F13A1: variants seen among roughly 807,000 people sequenced by gnomAD.
F13A1 encodes the protein FSF, A subunit.
A neutral mutation model predicts 80.1 loss-of-function variants in F13A1; 47 were observed. The ratio of observed to expected loss-of-function variants is 0.59; its 90% CI spans 0.46 to 0.75. The LOEUF (loss-of-function observed/expected upper bound fraction) is 0.75, where lower values mean the gene tolerates loss of function less well. Among genes scored for constraint, F13A1 ranks in the 30% least tolerant of loss-of-function variants. The pLI is 0.00. For synonymous variants in F13A1, 349 were observed against 344.9 expected (o/e 1.01, Z -0.13); for missense variants, 817 against 930.4 (o/e 0.88, Z 1.59).
At chr6:6,163,171 G>C (rs923123341) in intron 13 of F13A1, among the ~76,000 whole-genome samples, 1 of 152,178 alleles carries the variant, frequency 6.6e-6, no homozygotes, top group Non-Finnish European at 1.5e-5. Context: ...CAGCAACCTT[G>C]AGGCTCAGTC....
chr6:6,252,536 G>C (rs1757647956), intron 4 of F13A1, among the ~76,000 whole-genome samples: 1 of 152,106 alleles, frequency 6.6e-6, no homozygotes. Context: ...AGGAAAAAAG[G>C]GATAGATAAA....
intron 3 of F13A1, among the ~76,000 whole-genome samples, chr6:6,300,676 G>A (rs969040134): frequency 6.6e-6 from 1 of 152,098 alleles, no homozygotes; most frequent in African/African-American, 2.4e-5. Flanking sequence ...CCATACCTCA[G>A]ATGGAAATGC....
chr6:6,211,189 C>T (rs1344425390), intron 8 of F13A1, among the ~76,000 whole-genome samples: 1 of 152,202 alleles, frequency 6.6e-6, no homozygotes, highest in Non-Finnish European at 1.5e-5. Flanking sequence ...TAAATTAATA[C>T]ATGTCAGCAC....
chr6:6,181,885 C>T, intron 11 of F13A1, 103 bp downstream of exon 11: 2 of 1,281,504 alleles, frequency 1.6e-6, no homozygotes, highest in Admixed American at 1.7e-5. Context: ...CTACCAAATG[C>T]TGCAAATGCC....
intron 12 of F13A1, among the ~76,000 whole-genome samples, chr6:6,173,306 T>C (rs1353267613): frequency 6.6e-6 from 1 of 152,028 alleles, no homozygotes; most frequent in African/African-American, 2.4e-5. Context: ...AGGATGTGCA[T>C]GCAAGGACGA....
At chr6:6,251,794 G>T (rs1037564816) in intron 4 of F13A1, among the ~76,000 whole-genome samples, 11 of 152,216 alleles carry the variant, frequency 7.2e-5, no homozygotes, top group Non-Finnish European at 1.5e-4. Context: ...AATCCCTAAT[G>T]AAGTAACGAA....
intron 4 of F13A1, among the ~76,000 whole-genome samples, chr6:6,252,329 C>T (rs1757644214): frequency 6.6e-6 from 1 of 151,964 alleles, no homozygotes; most frequent in Admixed American, 6.6e-5. Context: ...TAGATAATAC[C>T]AAGGAGCTCT....
chr6:6,245,478 C>T (rs982379170), intron 6 of F13A1, among the ~76,000 whole-genome samples: 2 of 152,206 alleles, frequency 1.3e-5, no homozygotes, highest in African/African-American at 4.8e-5. Flanking sequence ...CCCGCCTCGG[C>T]CTCCCAAAGT....
At chr6:6,154,243 G>A (rs756902413) in intron 13 of F13A1, among the ~76,000 whole-genome samples, 16 of 152,074 alleles carry the variant, frequency 1.1e-4, no homozygotes, top group Admixed American at 2.6e-4. Flanking sequence ...ACTGAGAATG[G>A]ATAAGGCCTA....
At chr6:6,213,489 G>T (rs1410343743) in intron 8 of F13A1, among the ~76,000 whole-genome samples, 2 of 147,344 alleles carry the variant, frequency 1.4e-5, no homozygotes, top group Non-Finnish European at 3.0e-5. Context: ...GAGAGATTTT[G>T]TCACCACCAG....
rs1215748074 is a variant in F13A1, at chr6:6,215,212, G to A, written c.1112+6821C>T. On this transcript the variant is annotated intron_variant, in intron 8 of 14. Coordinates refer to ENST00000264870, the MANE Select transcript of F13A1 (RefSeq NM_000129.4). ...AGCATCATCCTGATACCAAAGCCGGGTAGAGACACAACAAAAAAAGAGAAT... is the reference window on the plus strand; with the variant it reads ...AGCATCATCCTGATACCAAAGCCGGATAGAGACACAACAAAAAAAGAGAAT... Among the ~76,000 whole-genome samples the A allele has an allele frequency of 6.0e-5, 8 of 132,974 alleles. 1 individual carries two copies. Among genetic ancestry groups the A allele is most frequent in the African/African-American group, 1.1e-4 (4 of 37,458 alleles). 87.2% of individuals were successfully genotyped at this position (132,974 alleles called of 152,430 possible).
intron 13 of F13A1, among the ~76,000 whole-genome samples, chr6:6,159,955 C>T (rs1760543357): frequency 1.3e-5 from 2 of 152,050 alleles, no homozygotes; most frequent in Non-Finnish European, 2.9e-5. Context: ...CGCAACCTTT[C>T]CCCATTTCAG....
intron 4 of F13A1, among the ~76,000 whole-genome samples, chr6:6,255,281 C>T (rs1198353962): frequency 6.6e-6 from 1 of 152,006 alleles, no homozygotes; most frequent in Non-Finnish European, 1.5e-5. Flanking sequence ...TGGCCAGGAA[C>T]TTTCTAAGTG....
chr6:6,295,021 T>C (rs1243654463), intron 3 of F13A1, among the ~76,000 whole-genome samples: 1 of 146,716 alleles, frequency 6.8e-6, no homozygotes, highest in Admixed American at 6.7e-5. Flanking sequence ...TGCGATAGTT[T>C]ACTGAGAATG....
intron 3 of F13A1, among the ~76,000 whole-genome samples, chr6:6,268,425 C>T (rs1261254412): frequency 6.6e-6 from 1 of 152,128 alleles, no homozygotes; most frequent in Non-Finnish European, 1.5e-5. Context: ...TGAACCCAGA[C>T]CATCTGGTTT....
At chr6:6,306,353 G>T (rs1263170920) in intron 2 of F13A1, among the ~76,000 whole-genome samples, 2 of 152,218 alleles carry the variant, frequency 1.3e-5, no homozygotes, top group Non-Finnish European at 2.9e-5. Flanking sequence ...AACTTTGTAT[G>T]TGTGACTTAA....
At chr6:6,229,268 C>T (rs964635010) in intron 6 of F13A1, among the ~76,000 whole-genome samples, 3 of 151,896 alleles carry the variant, frequency 2.0e-5, no homozygotes, top group African/African-American at 4.8e-5. Context: ...TAGAAGAAAA[C>T]GAAATTAAGG....
intron 3 of F13A1, among the ~76,000 whole-genome samples, chr6:6,287,821 C>T (rs979208194): frequency 6.6e-6 from 1 of 152,118 alleles, no homozygotes; most frequent in African/African-American, 2.4e-5. Flanking sequence ...CAGAACTTGG[C>T]CTGTGGATTG....
intron 6 of F13A1, among the ~76,000 whole-genome samples, chr6:6,244,994 G>A (rs942100593): frequency 2.6e-5 from 4 of 152,144 alleles, no homozygotes; most frequent in African/African-American, 9.7e-5. Flanking sequence ...GAGGGGTTTA[G>A]TGCTGTCATC....
Sources: gnomAD v4.1 joint callset for allele counts (sites outside exome capture counted in the v4.1 genomes callset) on GRCh38, gnomAD v4.1.1 for gene constraint, MANE v1.5 for transcripts, NCBI Gene and HGNC (gene_info 2026-07-23, HGNC 2026-07-21) for gene names.